ASB17: variants seen among roughly 807,000 people sequenced by gnomAD.
The protein encoded by ASB17 is ankyrin repeat and SOCS box protein 17.
ASB17 carries 26 observed loss-of-function variants against 25.7 expected under a neutral mutation model. That is an observed-to-expected ratio of 1.01 (90% confidence interval 0.74 to 1.40). ASB17 has a LOEUF of 1.40. Among genes scored for constraint, ASB17 ranks in the 40% most tolerant of loss-of-function variants. The probability of loss-of-function intolerance (pLI) is 0.00; values close to 1 mark genes in which losing one functional copy is unlikely to be tolerated. For missense variants in ASB17, 326 were observed against 338.5 expected, an observed-to-expected ratio of 0.96 and a Z score of 0.29; for synonymous variants, 128 against 121.4, an observed-to-expected ratio of 1.05 and a Z score of -0.36.
chr1:75,920,045 G>A (rs1474079501), intron 2 of ASB17, among the ~76,000 whole-genome samples: 1 of 152,154 alleles, frequency 6.6e-6, no homozygotes, highest in African/African-American at 2.4e-5. Flanking sequence ...TTATCTGGGA[G>A]ACTGTAAAAA....
rs1231498165 is a variant in ASB17 at position 75,932,176 on chromosome 1, C to G, written c.116G>C (p.Gly39Ala). The G allele has an allele frequency of 1.2e-6, 2 of 1,614,106 alleles. No homozygotes were observed. Among genetic ancestry groups the G allele is most frequent in the Admixed American group, 3.3e-5 (2 of 60,018 alleles). The stretch of plus-strand genomic sequence containing the variant: ...AATCCTTGGTTCGTAACAGTGATAT[C>G]CCCACTGACCCAAAAACTGTAGGGA... ...RPSLQFLGQW[G>A]YHCYEPRIYR... The change falls in exon 1 of 3, where the codon GGA becomes GCA. Residue 39 changes from glycine (G) to alanine (A), a missense_variant. Coordinates refer to ENST00000284142, the MANE Select transcript of ASB17 (RefSeq NM_080868.3).
chr1:75,919,036 T>C lies in ASB17; in HGVS notation c.804A>G (p.Leu268=). The change falls in exon 3 of 3, where the codon CTA becomes CTG. Residue 268 remains leucine (L), a synonymous_variant. Transcript: ENST00000284142. ...HLCRLTIRNQ[L]LTNNMLPDGI... The stretch of plus-strand genomic sequence containing the variant: ...CATCTGGGAGCATATTGTTGGTTAA[T>C]AGTTGATTCCTGATGGTTAGTCTGC... 1.9e-6 allele frequency: 3 copies of C among 1,612,492 alleles called. No individual in the cohort carries two copies. The South Asian group carries it at 3.3e-5, about 18-fold the overall frequency.
At chr1:75,930,421 C>G (rs189115074) in intron 1 of ASB17, among the ~76,000 whole-genome samples, 1 of 149,876 alleles carries the variant, frequency 6.7e-6, no homozygotes, top group Admixed American at 6.7e-5. Flanking sequence ...GAACGGTTTA[C>G]CTAAGGAAAT....
intron 1 of ASB17, among the ~76,000 whole-genome samples, chr1:75,925,584 T>G (rs1653149634): frequency 6.6e-6 from 1 of 152,116 alleles, no homozygotes; most frequent in Non-Finnish European, 1.5e-5. Context: ...GCTTAATCTG[T>G]ACTGACAGTT....
rs150756536 is a variant in ASB17 at position 75,926,336 on chromosome 1, G to A, written c.402-3977C>T. Reference sequence around the variant, plus strand: ...TATGCTGTGGGCTGGTACGGTCAGGGCATTTTTAAATATTAAATAAGATGA... The same window carrying A: ...TATGCTGTGGGCTGGTACGGTCAGGACATTTTTAAATATTAAATAAGATGA... On this transcript the variant is annotated intron_variant, in intron 1 of 2. Coordinates refer to ENST00000284142, the MANE Select transcript of ASB17 (RefSeq NM_080868.3). Among the ~76,000 whole-genome samples the A allele has an allele frequency of 2.1e-3, 318 of 152,298 alleles. 1 individual carries two copies. The highest frequency in any genetic ancestry group is 0.014 in the South Asian group (68 of 4,828).
At chr1:75,919,844 C>T (rs1391404083) in intron 2 of ASB17, among the ~76,000 whole-genome samples, 1 of 152,154 alleles carries the variant, frequency 6.6e-6, no homozygotes, top group Non-Finnish European at 1.5e-5. Context: ...CTGCAATAAA[C>T]ATATGTGTGC....
intron 2 of ASB17, among the ~76,000 whole-genome samples, chr1:75,919,491 T>C (rs1652972105): frequency 6.6e-6 from 1 of 152,068 alleles, no homozygotes; most frequent in South Asian, 2.1e-4. Flanking sequence ...ACCCATTAAC[T>C]CGTCATTTAG....
At chr1:75,919,656 G>A (rs1334648808) in intron 2 of ASB17, among the ~76,000 whole-genome samples, 1 of 152,052 alleles carries the variant, frequency 6.6e-6, no homozygotes, top group African/African-American at 2.4e-5. Flanking sequence ...TTGTTCTTGC[G>A]ATAGTTTACT....
chr1:75,930,054 A>G (rs1653282000), intron 1 of ASB17, among the ~76,000 whole-genome samples: 1 of 151,894 alleles, frequency 6.6e-6, no homozygotes, highest in Non-Finnish European at 1.5e-5. Context: ...AACTAAATAT[A>G]GAAGGGAGTT....
intron 2 of ASB17, 150 bp from the exon 3 acceptor site, chr1:75,919,308 G>T: frequency 3.3e-6 from 2 of 604,168 alleles, no homozygotes; most frequent in Non-Finnish European, 2.7e-6. Flanking sequence ...TTTACTTGAG[G>T]CAAGTATTTT....
At chr1:75,931,375 G>T (rs1226430294) in intron 1 of ASB17, among the ~76,000 whole-genome samples, 1 of 152,064 alleles carries the variant, frequency 6.6e-6, no homozygotes, top group Non-Finnish European at 1.5e-5. Context: ...TAAAAATTTG[G>T]TTCTATTATC....
intron 2 of ASB17, among the ~76,000 whole-genome samples, chr1:75,919,877 T>C (rs1266347962): frequency 6.6e-6 from 1 of 152,234 alleles, no homozygotes; most frequent in Admixed American, 6.5e-5. Context: ...AGCAGCATGA[T>C]TTATAGTCCT....
At chr1:75,927,244 C>T (rs1653196245) in intron 1 of ASB17, among the ~76,000 whole-genome samples, 1 of 143,608 alleles carries the variant, frequency 7.0e-6, no homozygotes, top group African/African-American at 2.6e-5. Context: ...TTTTGAACTC[C>T]AGAACTATAA....
Position 75,918,920 on chromosome 1 carries a change from C to T in ASB17, c.*32G>A. On this transcript the variant is annotated 3_prime_UTR_variant, in exon 3 of 3. Transcript: ENST00000284142. ...AACTTCTAAGCCATACATTGGTAAG[C>T]ATTGTTAAGGAACTTAGGACACTGA... The T allele has an allele frequency of 6.5e-7, 1 of 1,538,394 alleles. No individual in the cohort carries two copies. Among genetic ancestry groups the T allele is most frequent in the Non-Finnish European group, 9.0e-7 (1 of 1,111,714 alleles).
chr1:75,927,050 A>T (rs554062807), intron 1 of ASB17, among the ~76,000 whole-genome samples: 3 of 152,138 alleles, frequency 2.0e-5, no homozygotes, highest in African/African-American at 7.2e-5. Flanking sequence ...TTGGAAGCAG[A>T]GTCAATGAAT....
Position 75,932,263 on chromosome 1 carries a change from T to G in ASB17, c.29A>C (p.Lys10Thr), listed in dbSNP as rs61758720. Residue 10 changes from lysine to threonine, a missense_variant, in exon 1 of 3, where the codon AAG (lysine) becomes ACG (threonine). Coordinates refer to ENST00000284142, the MANE Select transcript of ASB17 (RefSeq NM_080868.3). ...TATATTGCTTCTTGGACAAGAAGTC[T>G]TACCACATAATTTAGTAGATTTACT... The part of the protein sequence containing the change: MSKSTKLCG[K>T]TSCPRSNIFC... The G allele has an allele frequency of 1.3e-5, 21 of 1,611,472 alleles. No individual in the cohort carries two copies. The highest frequency in any genetic ancestry group is 1.7e-5 in the Non-Finnish European group (20 of 1,178,776).
At chr1:75,920,544 A>G (rs1262964206) in intron 2 of ASB17, among the ~76,000 whole-genome samples, 2 of 152,226 alleles carry the variant, frequency 1.3e-5, no homozygotes, top group Non-Finnish European at 2.9e-5. Context: ...TATTTACAAT[A>G]AAATATATGT....
chr1:75,925,214 A>G (rs1235625758), intron 1 of ASB17, among the ~76,000 whole-genome samples: 2 of 152,036 alleles, frequency 1.3e-5, no homozygotes, highest in African/African-American at 4.8e-5. Flanking sequence ...TGTAGCTTTC[A>G]GGTCTAACAA....
intron 1 of ASB17, among the ~76,000 whole-genome samples, chr1:75,931,405 C>T (rs1325334951): frequency 6.6e-6 from 1 of 152,078 alleles, no homozygotes; most frequent in African/African-American, 2.4e-5. Context: ...AGGTACTTGA[C>T]CTTCATTGTG....
Sources: gnomAD v4.1 joint callset for allele counts (sites outside exome capture counted in the v4.1 genomes callset) on GRCh38, gnomAD v4.1.1 for gene constraint, MANE v1.5 for transcripts, NCBI Gene and HGNC (gene_info 2026-07-23, HGNC 2026-07-21) for gene names.